The following MID1 variants were observed in gnomAD, a reference collection of about 807,000 sequenced individuals.
The protein encoded by MID1 is E3 ubiquitin-protein ligase Midline-1.
In MID1, 7 loss-of-function variants were observed where a neutral mutation model predicts 40.4. The ratio of observed to expected loss-of-function variants is 0.17; its 90% CI spans 0.10 to 0.33. The LOEUF (loss-of-function observed/expected upper bound fraction) is 0.33. MID1 is among the 10% of genes least tolerant of loss of function. MID1 has a pLI of 1.00. For synonymous variants in MID1, 229 were observed against 221.2 expected, an observed-to-expected ratio of 1.04 and a Z score of -0.31; for missense variants, 367 against 558.5, an observed-to-expected ratio of 0.66 and a Z score of 3.46.
chrX:10,599,378 T>C (rs143588543), intron 1 of MID1, among the ~76,000 whole-genome samples: 47 of 112,248 alleles, frequency 4.2e-4, no homozygotes, highest in African/African-American at 1.4e-3. Context: ...TCCAATGCCC[T>C]TATTTTCCTA....
intron 1 of MID1, among the ~76,000 whole-genome samples, chrX:10,772,981 A>C (rs1351412683): frequency 9.0e-6 from 1 of 111,098 alleles, no homozygotes; most frequent in Non-Finnish European, 1.9e-5. Flanking sequence ...ATAAGTATGA[A>C]ATTGGACTTG....
chrX:10,704,065 C>T (rs2043210082), intron 1 of MID1, among the ~76,000 whole-genome samples: 1 of 111,682 alleles, frequency 9.0e-6, no homozygotes, highest in Non-Finnish European at 1.9e-5. Context: ...CCTATTGTAC[C>T]AAAACCATAT....
At chrX:10,647,339 T>C (rs1159059699) in intron 1 of MID1, among the ~76,000 whole-genome samples, 1 of 111,609 alleles carries the variant, frequency 9.0e-6, no homozygotes, top group Non-Finnish European at 1.9e-5. Context: ...TCCCATTCTA[T>C]AGAAGGGGAA....
chrX:10,762,738 A>T, intron 1 of MID1, among the ~76,000 whole-genome samples: 1 of 111,569 alleles, frequency 9.0e-6, no homozygotes, highest in Middle Eastern at 4.6e-3. Context: ...CCTGGCCTCT[A>T]AACACAAAGT....
At chrX:10,643,611 T>G (rs1163536633) in intron 1 of MID1, among the ~76,000 whole-genome samples, 2 of 111,601 alleles carry the variant, frequency 1.8e-5, no homozygotes, top group East Asian at 2.8e-4. Flanking sequence ...TCCTCAGGGA[T>G]CTAGAACTAG....
rs377110609 is a variant in MID1, at chrX:10,729,120, C to T, written c.-187+104434G>A. On this transcript the variant is annotated intron_variant, in intron 1 of 10. Coordinates refer to the MID1 transcript ENST00000380785. ...CCCTAATGAATGGGTGGCACAGACA[C>T]TTCTGTCATCCGTGCTCACTCACTG... Among the ~76,000 whole-genome samples the T allele has an allele frequency of 3.6e-5, 4 of 112,000 alleles. No individual in the cohort carries two copies. In the South Asian group the frequency reaches 1.5e-3, roughly 42 times the overall value.
rs56897260 is a variant in MID1 at position 10,602,225 on chromosome X, CT to C, written c.-57+18064del. Among the ~76,000 whole-genome samples the C allele has an allele frequency of 7.8e-3, 654 of 83,427 alleles. 4 individuals carry two copies. Among genetic ancestry groups the C allele is most frequent in the South Asian group, 0.015 (28 of 1,827 alleles). 72.4% of individuals were successfully genotyped at this position (83,427 alleles called of 115,157 possible). A position where few individuals can be genotyped will look rare whatever the true frequency, so the allele number is the denominator to read the frequency against. Reference sequence around the variant, plus strand: ...TAACAATTAAGCAAATAGTTTCTGACTTTTTTTTTTTTTTTTTTACCACCAA... The same window carrying C: ...TAACAATTAAGCAAATAGTTTCTGACTTTTTTTTTTTTTTTTTACCACCAA... On this transcript the variant is annotated intron_variant, in intron 1 of 9. Coordinates refer to ENST00000317552, the MANE Select transcript of MID1 (RefSeq NM_000381.4).
At chrX:10,765,705 G>A (rs752350995) in intron 1 of MID1, among the ~76,000 whole-genome samples, 2 of 111,103 alleles carry the variant, frequency 1.8e-5, no homozygotes, top group East Asian at 2.8e-4. Context: ...CAATAAGCAT[G>A]TGCAGAAACA....
At chrX:10,744,793 T>C (rs766436601) in intron 1 of MID1, among the ~76,000 whole-genome samples, 5 of 111,752 alleles carry the variant, frequency 4.5e-5, no homozygotes, top group Non-Finnish European at 9.4e-5. Context: ...AGCCAACATA[T>C]GTTTCCAGAG....
At position 10,640,928 on chromosome X, in the gene MID1, C is replaced by T. The variant is rs751236353; in HGVS notation, c.-186-20509G>A. Among the ~76,000 whole-genome samples, 17 of 111,733 alleles carry T rather than the reference C, an allele frequency of 1.5e-4. No individual in the cohort carries two copies. In the South Asian group the frequency reaches 4.1e-3, roughly 27 times the overall value. ...TCCTGAATGACTACTGGGTACATAA[C>T]GAAATGAAGGCAGAAATAAAGATGT... is the stretch of plus-strand genomic sequence containing the variant. On this transcript the variant is annotated intron_variant, in intron 1 of 10. Transcript: ENST00000380785.
intron 4 of MID1, among the ~76,000 whole-genome samples, chrX:10,486,822 T>C (rs1361607992): frequency 8.9e-6 from 1 of 112,106 alleles, no homozygotes; most frequent in Non-Finnish European, 1.9e-5. Context: ...ATTTTCATCA[T>C]ATGAGCTTCA....
intron 5 of MID1, chrX:10,475,227 ATG>A (rs1303997647): frequency 3.0e-6 from 1 of 331,321 alleles, no homozygotes; most frequent in Non-Finnish European, 5.9e-6. Flanking sequence ...TTAAAAAAGA[ATG>A]TTTCCAGATA....
At chrX:10,777,609 T>C (rs1339861204) in intron 1 of MID1, among the ~76,000 whole-genome samples, 17 of 108,955 alleles carry the variant, frequency 1.6e-4, no homozygotes, top group Non-Finnish European at 2.9e-4. Context: ...GGCGCGATCT[T>C]GGCTCATTGC....
intron 1 of MID1, among the ~76,000 whole-genome samples, chrX:10,734,931 A>G (rs1346022671): frequency 1.8e-5 from 2 of 111,664 alleles, no homozygotes; most frequent in Non-Finnish European, 3.8e-5. Flanking sequence ...TTCTGAGCTC[A>G]GGAGTGGCTT....
chrX:10,798,523 AT>A (rs1288496672), intron 1 of MID1, among the ~76,000 whole-genome samples: 71 of 111,375 alleles, frequency 6.4e-4, no homozygotes, highest in African/African-American at 2.3e-3. Context: ...CTCTCACCCC[AT>A]TTTGCTTCTG....
chrX:10,569,911 T>A (rs926785468), intron 1 of MID1, among the ~76,000 whole-genome samples: 5 of 112,016 alleles, frequency 4.5e-5, no homozygotes, highest in African/African-American at 1.3e-4. Flanking sequence ...GCCAGCATCA[T>A]CTCTTATGTG....
At chrX:10,573,825 T>C (rs1001651594) in intron 1 of MID1, among the ~76,000 whole-genome samples, 2 of 111,831 alleles carry the variant, frequency 1.8e-5, no homozygotes, top group Non-Finnish European at 3.8e-5. Flanking sequence ...TGGAACCCGG[T>C]TTAGCACTGA....
At chrX:10,614,997 G>C (rs1935815055) in intron 1 of MID1, among the ~76,000 whole-genome samples, 1 of 111,752 alleles carries the variant, frequency 8.9e-6, no homozygotes, top group African/African-American at 3.3e-5. Flanking sequence ...TCTCTATTGA[G>C]AAAAATAAAT....
chrX:10,799,283 G>C (rs1337390316), intron 1 of MID1, among the ~76,000 whole-genome samples: 2 of 111,583 alleles, frequency 1.8e-5, no homozygotes, highest in Non-Finnish European at 3.8e-5. Context: ...TGACAAGCAG[G>C]CTAGAATGTC....
Sources: allele counts gnomAD v4.1 joint callset (sites outside exome capture counted in the v4.1 genomes callset), GRCh38; gene constraint gnomAD v4.1.1; transcripts MANE v1.5; gene names NCBI Gene and HGNC (gene_info 2026-07-23, HGNC 2026-07-21).